The following TET3 variants were observed in gnomAD, a reference collection of about 807,000 sequenced individuals.
The protein encoded by TET3 is tet methylcytosine dioxygenase 3, also known as methylcytosine dioxygenase TET3.
Under a neutral mutation model 141.4 loss-of-function variants are expected in TET3, and 19 were observed. That is an observed-to-expected ratio of 0.13 (90% CI 0.09 to 0.20). TET3 has a LOEUF of 0.20. Among genes scored for constraint, TET3 ranks in the 10% least tolerant of loss-of-function variants. The pLI, the probability that TET3 is intolerant of heterozygous loss-of-function variation, is 1.00. For missense variants in TET3, 1,874 were observed against 2,356.9 expected, an observed-to-expected ratio of 0.80 and a Z score of 4.24; for synonymous variants, 1,043 against 980.9, an observed-to-expected ratio of 1.06 and a Z score of -1.18.
the TET3 span, among the ~76,000 whole-genome samples, chr2:74,128,268 C>A: frequency 1.3e-5 from 2 of 152,094 alleles, no homozygotes; most frequent in Non-Finnish European, 2.9e-5. Context: ...TTCAACTAAT[C>A]AATTGATTGT....
intron 2 of TET3, among the ~76,000 whole-genome samples, chr2:74,001,027 C>A (rs1316404387): frequency 6.6e-6 from 1 of 152,168 alleles, no homozygotes; most frequent in Non-Finnish European, 1.5e-5. Context: ...AGGGACTCCA[C>A]TTGGCCTGGT....
the TET3 span, among the ~76,000 whole-genome samples, chr2:74,127,204 C>T: frequency 1.3e-5 from 2 of 152,162 alleles, no homozygotes; most frequent in African/African-American, 4.8e-5. Flanking sequence ...CTTGTTGATC[C>T]GGATGACCTC....
chr2:74,042,839 G>C (rs1687410200), intron 3 of TET3, among the ~76,000 whole-genome samples: 1 of 152,172 alleles, frequency 6.6e-6, no homozygotes, highest in Non-Finnish European at 1.5e-5. Context: ...GGATCTCTTG[G>C]TTGGGAAATG....
Position 74,047,912 on chromosome 2 carries a change from G to A in TET3, c.1995G>A (p.Ala665=), listed in dbSNP as rs1687732485. The A allele has an allele frequency of 1.9e-6, 3 of 1,613,392 alleles. No individual in the cohort carries two copies. The highest frequency in any genetic ancestry group is 2.2e-5 in the East Asian group (1 of 44,842). The change falls in exon 4 of 12, where the codon GCG becomes GCA. Residue 665 remains alanine (A), a synonymous_variant. Coordinates refer to ENST00000409262, the MANE Select transcript of TET3 (RefSeq NM_001287491.2). ...CCCTGCCCCCAGAACCTTCTCTTGC[G>A]CTATTTGCACCTAGTCCCTCCAGGG... ...AVPLPPEPSL[A]LFAPSPSRDS...
chr2:74,048,408 G>C lies in TET3; in HGVS notation c.2491G>C (p.Val831Leu), dbSNP rs370788029. The C allele has an allele frequency of 2.5e-6, 4 of 1,604,410 alleles. No homozygotes were observed. The highest frequency in any genetic ancestry group is 1.1e-5 in the South Asian group (1 of 90,486). ...AQAEFPTCDC[V>L]EQIVEKDEGP... Reference sequence around the variant, plus strand: ...GGCCGAGTTCCCCACCTGCGATTGCGTCGGTAAGTCCGCCTGGGTATCAGG... The same window carrying C: ...GGCCGAGTTCCCCACCTGCGATTGCCTCGGTAAGTCCGCCTGGGTATCAGG... Residue 831 changes from valine to leucine, a missense_variant, in exon 4 of 12, where the codon GTC (valine) becomes CTC (leucine). Coordinates refer to ENST00000409262, the MANE Select transcript of TET3 (RefSeq NM_001287491.2).
chr2:74,013,098 G>A (rs967897136), intron 3 of TET3, among the ~76,000 whole-genome samples: 4 of 151,838 alleles, frequency 2.6e-5, no homozygotes, highest in African/African-American at 7.3e-5. Context: ...TGGTTCAAGG[G>A]ATTCTCCCAT....
Position 74,065,673 on chromosome 2 carries a change from C to G in TET3, c.2495-7876C>G, listed in dbSNP as rs566734869. Among the ~76,000 whole-genome samples the G allele has an allele frequency of 5.5e-5, 8 of 146,720 alleles. No individual in the cohort carries two copies. In the Admixed American group the frequency reaches 5.7e-4, roughly 10 times the overall value. ...CTCTTCTTTTCTTTTTTCTTTCTTT[C>G]TTTCCCTTTCTTTTCTTCTTTCTTT... On this transcript the variant is annotated intron_variant, in intron 4 of 11. Coordinates refer to ENST00000409262, the MANE Select transcript of TET3 (RefSeq NM_001287491.2).
At chr2:74,085,432 G>A (rs1054282779) in intron 6 of TET3, among the ~76,000 whole-genome samples, 8 of 152,158 alleles carry the variant, frequency 5.3e-5, no homozygotes, top group Non-Finnish European at 1.2e-4. Flanking sequence ...CTCCCAGCAC[G>A]ATCCACTCGT....
At chr2:74,037,312 A>G (rs778878819) in intron 3 of TET3, among the ~76,000 whole-genome samples, 4 of 152,262 alleles carry the variant, frequency 2.6e-5, no homozygotes, top group Non-Finnish European at 5.9e-5. Context: ...TAGACAGAAC[A>G]TGCCATAAAT....
At chr2:74,085,150 C>CAA (rs112733988) in intron 6 of TET3, among the ~76,000 whole-genome samples, 163 of 119,610 alleles carry the variant, frequency 1.4e-3, no homozygotes, top group African/African-American at 4.2e-3. Flanking sequence ...TTTTCCACAG[C>CAA]AAAAAAAAAA....
At chr2:74,128,659 AAAAC>A in the TET3 span, among the ~76,000 whole-genome samples, 59 of 152,206 alleles carry the variant, frequency 3.9e-4, no homozygotes, top group Non-Finnish European at 6.2e-4. Context: ...GAACTGTTCT[AAAAC>A]AATAAAGACT....
the TET3 span, among the ~76,000 whole-genome samples, chr2:74,115,949 C>T: frequency 1.4e-4 from 21 of 144,968 alleles, no homozygotes; most frequent in Admixed American, 8.5e-4. Context: ...CTGGAGGACA[C>T]GGCTACAGTG....
In TET3 at chr2:74,102,316, T is replaced by C. The variant is rs1691271924; in HGVS notation, c.*140T>C. ...TACATATATAGATGCGCATATCATA[T>C]ATATGTATTTATGGTCCAAACCTCA... On this transcript the variant is annotated 3_prime_UTR_variant, in exon 12 of 12. Transcript: ENST00000409262. The C allele has an allele frequency of 1.7e-6, 2 of 1,212,040 alleles. No individual in the cohort carries two copies. Among genetic ancestry groups the C allele is most frequent in the Non-Finnish European group, 2.1e-6 (2 of 962,430 alleles). 75.1% of individuals were successfully genotyped at this position (1,212,040 alleles called of 1,614,324 possible).
intron 4 of TET3, among the ~76,000 whole-genome samples, chr2:74,072,278 C>G (rs1007284301): frequency 6.6e-6 from 1 of 152,148 alleles, no homozygotes; most frequent in African/African-American, 2.4e-5. Flanking sequence ...TTTGGGAGGC[C>G]AAGGTGAGTG....
At chr2:74,023,071 C>T (rs181854460) in intron 3 of TET3, among the ~76,000 whole-genome samples, 19 of 152,182 alleles carry the variant, frequency 1.2e-4, no homozygotes, top group East Asian at 1.2e-3. Context: ...CCACTGCGCA[C>T]GGCCTTATTC....
At chr2:74,062,905 A>G (rs1688674563) in intron 4 of TET3, among the ~76,000 whole-genome samples, 1 of 128,628 alleles carries the variant, frequency 7.8e-6, no homozygotes, top group Non-Finnish European at 1.6e-5. Context: ...TTTTTTTGAG[A>G]CAGAGTATCA....
intron 3 of TET3, among the ~76,000 whole-genome samples, chr2:74,034,065 T>G (rs1043811507): frequency 6.6e-6 from 1 of 151,872 alleles, no homozygotes; most frequent in Non-Finnish European, 1.5e-5. Context: ...CATTGCACTT[T>G]AGTCAGGGCA....
chr2:73,997,196 G>A (rs893604440), intron 2 of TET3, among the ~76,000 whole-genome samples: 6 of 152,248 alleles, frequency 3.9e-5, no homozygotes, highest in Admixed American at 1.3e-4. Flanking sequence ...CCTAATTACT[G>A]CTGGGTGGGG....
the TET3 span, among the ~76,000 whole-genome samples, chr2:74,129,028 GA>G: frequency 2.8e-5 from 4 of 142,832 alleles, no homozygotes; most frequent in East Asian, 8.3e-4. Flanking sequence ...GGCTGGGCAT[GA>G]TGGCTCACAC....
Sources: gnomAD v4.1 joint callset for allele counts (sites outside exome capture counted in the v4.1 genomes callset) on GRCh38, gnomAD v4.1.1 for gene constraint, MANE v1.5 for transcripts, NCBI Gene and HGNC (gene_info 2026-07-23, HGNC 2026-07-21) for gene names.